Variants in TACC2 observed in about 807,000 individuals in gnomAD.
The protein encoded by TACC2 is transforming acidic coiled-coil-containing protein 2.
TACC2 carries 137 observed loss-of-function variants against 227.3 expected under a neutral mutation model. The observed-to-expected ratio is 0.60, with a 90% CI of 0.52 to 0.69. The LOEUF is 0.69. TACC2 is among the 30% of genes least tolerant of loss of function. TACC2 has a pLI of 0.00. For missense variants in TACC2, 3,470 were observed against 3,694.4 expected, an observed-to-expected ratio of 0.94 and a Z score of 1.57; for synonymous variants, 1,523 against 1,487.5, an observed-to-expected ratio of 1.02 and a Z score of -0.55.
chr10:122,060,825 C>A (rs1052857091), intron 3 of TACC2, among the ~76,000 whole-genome samples: 3 of 150,912 alleles, frequency 2.0e-5, no homozygotes, highest in African/African-American at 7.3e-5. Context: ...GCCAACATGG[C>A]GAAACTCTGT....
chr10:122,139,901 G>A (rs1176187881), intron 6 of TACC2, among the ~76,000 whole-genome samples: 2 of 152,182 alleles, frequency 1.3e-5, no homozygotes, highest in Non-Finnish European at 2.9e-5. Flanking sequence ...CCTTGCACAA[G>A]GGCTTAATTT....
chr10:122,118,434 C>T (rs1263490794), intron 5 of TACC2, among the ~76,000 whole-genome samples: 1 of 152,244 alleles, frequency 6.6e-6, no homozygotes, highest in Admixed American at 6.5e-5. Context: ...CAAGGTCTCT[C>T]TCTGACGGCT....
At chr10:122,237,210 T>C (rs2095873857) in intron 16 of TACC2, among the ~76,000 whole-genome samples, 185 bp from the exon 17 acceptor site, 1 of 150,824 alleles carries the variant, frequency 6.6e-6, no homozygotes, top group South Asian at 2.1e-4. Flanking sequence ...TGCAGAATGA[T>C]AGATCTCCAT....
intron 8 of TACC2, among the ~76,000 whole-genome samples, chr10:122,203,055 A>T (rs1308034657): frequency 1.3e-5 from 2 of 151,988 alleles, no homozygotes; most frequent in African/African-American, 4.8e-5. Flanking sequence ...TCCCATGTCT[A>T]CCTCTTTCTA....
intron 1 of TACC2, among the ~76,000 whole-genome samples, chr10:122,015,106 TAAAA>T (rs10590944): frequency 0.37 from 53,909 of 147,436 alleles, 10,053 homozygotes; most frequent in South Asian, 0.57. Flanking sequence ...TCATCTGCTA[TAAAA>T]AAAAAAAAAA....
intron 8 of TACC2, among the ~76,000 whole-genome samples, chr10:122,207,482 T>G (rs570123395): frequency 6.6e-6 from 1 of 152,078 alleles, no homozygotes; most frequent in South Asian, 2.1e-4. Flanking sequence ...CTAGACACAG[T>G]GTTGGTTGTC....
At chr10:122,219,336 T>C (rs572773653) in intron 11 of TACC2, among the ~76,000 whole-genome samples, 1 of 152,276 alleles carries the variant, frequency 6.6e-6, no homozygotes, top group South Asian at 2.1e-4. Context: ...GTGCTTGATC[T>C]GGGCTGAGCT....
intron 3 of TACC2, among the ~76,000 whole-genome samples, chr10:122,058,368 C>A (rs1221825962): frequency 2.0e-5 from 3 of 152,136 alleles, no homozygotes; most frequent in Non-Finnish European, 4.4e-5. Context: ...CACTTCCCAG[C>A]CTGCGGGATG....
rs761531246 is a variant in TACC2 at position 122,087,647 on chromosome 10, C to T, written c.5147C>T (p.Thr1716Ile). 9 of 1,613,352 alleles carry T rather than the reference C, an allele frequency of 5.6e-6. No individual in the cohort carries two copies. The Admixed American group carries it at 1.2e-4, about 21-fold the overall frequency. ...EGDITLSTAETQACASGDLPE... is the reference protein window; with the variant it reads ...EGDITLSTAEIQACASGDLPE... Reference sequence around the variant, plus strand: ...GACATCACCCTGAGCACAGCTGAGACACAGGCATGTGCGTCCGGTGATCTG... The same window carrying T: ...GACATCACCCTGAGCACAGCTGAGATACAGGCATGTGCGTCCGGTGATCTG... Residue 1716 changes from threonine to isoleucine, a missense_variant, in exon 4 of 23, where the codon ACA becomes ATA. This residue lies in a region of TACC2 where 1,924 missense variants were observed against 1,978.3 expected (regional missense o/e 0.97). Transcript: ENST00000369005.
At chr10:122,160,520 A>G (rs1478986554) in intron 7 of TACC2, among the ~76,000 whole-genome samples, 1 of 143,968 alleles carries the variant, frequency 6.9e-6, no homozygotes, top group Non-Finnish European at 1.5e-5. Flanking sequence ...CTCACACAGC[A>G]GAGAAGAAGT....
intron 11 of TACC2, among the ~76,000 whole-genome samples, chr10:122,223,986 G>A (rs1052986507): frequency 3.9e-5 from 6 of 152,180 alleles, no homozygotes; most frequent in African/African-American, 1.2e-4. Flanking sequence ...TGCTTCATCC[G>A]TTTGCTGGAT....
In TACC2 at chr10:122,237,968, C is replaced by G; in HGVS notation, c.8279C>G (p.Thr2760Ser). 1 of 1,613,372 alleles carries G rather than the reference C, an allele frequency of 6.2e-7. No homozygotes were observed. Among genetic ancestry groups the G allele is most frequent in the Non-Finnish European group, 8.5e-7 (1 of 1,179,538 alleles). ...TCTTCTCTCTGAAACTAGATCATAA[C>G]CAAGGAGAGAGAGGTCTCAGAATGG... ...ALQIARAEII[T>S]KEREVSEWKD... Residue 2760 changes from threonine to serine, a missense_variant, in exon 18 of 23, where the codon ACC becomes AGC. By Grantham distance (58) the Thr-to-Ser change is moderately conservative (BLOSUM62 1). Around this residue, in one of 10 missense-constraint regions of TACC2, gnomAD observed 345 missense variants for 354.4 expected, o/e 0.97. Transcript: ENST00000369005.
At position 122,085,054 on chromosome 10, in the gene TACC2, C is replaced by A. The variant is rs2079951438; in HGVS notation, c.2554C>A (p.Pro852Thr). Reference sequence around the variant, plus strand: ...CGTGCTCAAGGAGCAGGCCCAGCCACCTGAAAATGGGAAAGAGACTTCTCC... The same window carrying A: ...CGTGCTCAAGGAGCAGGCCCAGCCAACTGAAAATGGGAAAGAGACTTCTCC... Reference protein sequence around the residue: ...FDVLKEQAQPPENGKETSPSH... With the variant: ...FDVLKEQAQPTENGKETSPSH... The change falls in exon 4 of 23, where the codon CCT becomes ACT. Residue 852 changes from proline to threonine, a missense_variant. Pro to Thr is a conservative substitution (Grantham distance 38). This residue lies in a region of TACC2 where 1,924 missense variants were observed against 1,978.3 expected (regional missense o/e 0.97). Transcript: ENST00000369005. 1 of 1,614,188 alleles carries A rather than the reference C, an allele frequency of 6.2e-7. No individual in the cohort carries two copies. The highest frequency in any genetic ancestry group is 2.2e-5 in the East Asian group (1 of 44,886).
rs565805481 is a variant in TACC2, at chr10:122,121,307, C to T, written c.5574-11302C>T. On this transcript the variant is annotated intron_variant, in intron 5 of 22. Transcript: ENST00000369005. The stretch of plus-strand genomic sequence containing the variant: ...TGTGCTGGGCACCTTGCTACAGAAA[C>T]ATTCGCATGACTGGTCACAAGGCAT... Among the ~76,000 whole-genome samples, 45 of 152,330 alleles carry T rather than the reference C, an allele frequency of 3.0e-4. No individual in the cohort carries two copies. In the Middle Eastern group the frequency reaches 0.01, roughly 35 times the overall value.
chr10:122,053,925 G>C (rs1195242221), intron 3 of TACC2, among the ~76,000 whole-genome samples: 1 of 152,214 alleles, frequency 6.6e-6, no homozygotes, highest in East Asian at 1.9e-4. Context: ...AGAAGGGCCT[G>C]CAGTGGCCAC....
chr10:122,059,346 C>T (rs527398239), intron 3 of TACC2, among the ~76,000 whole-genome samples: 168 of 152,060 alleles, frequency 1.1e-3, no homozygotes, highest in Middle Eastern at 6.8e-3. Flanking sequence ...GTTTCCTGAA[C>T]ACCCCCCTCC....
At chr10:122,106,895 A>C (rs1218467822) in intron 5 of TACC2, among the ~76,000 whole-genome samples, 1 of 152,202 alleles carries the variant, frequency 6.6e-6, no homozygotes, top group East Asian at 1.9e-4. Context: ...ACCCACATTC[A>C]GTGTGTGGCC....
At chr10:122,197,176 G>T (rs553080632) in intron 8 of TACC2, among the ~76,000 whole-genome samples, 1 of 151,944 alleles carries the variant, frequency 6.6e-6, no homozygotes, top group Non-Finnish European at 1.5e-5. Context: ...CAGGAGAATC[G>T]CTTGAACCCG....
At chr10:122,058,350 G>A (rs1008984334) in intron 3 of TACC2, among the ~76,000 whole-genome samples, 13 of 152,090 alleles carry the variant, frequency 8.5e-5, no homozygotes, top group Admixed American at 6.6e-4. Flanking sequence ...GCGCGGAAGC[G>A]CTTCTGTCAC....
Sources: allele counts gnomAD v4.1 joint callset (sites outside exome capture counted in the v4.1 genomes callset), GRCh38; gene constraint gnomAD v4.1.1; regional missense constraint gnomAD v4.1.1; transcripts MANE v1.5; gene names NCBI Gene and HGNC (gene_info 2026-07-23, HGNC 2026-07-21).